The following GTF2IRD1 variants were observed in gnomAD, a reference collection of about 807,000 sequenced individuals.
GTF2IRD1 encodes the protein general transcription factor II-I repeat domain-containing protein 1.
In GTF2IRD1, 26 loss-of-function variants were observed where a neutral mutation model predicts 113.2. That is an observed-to-expected ratio of 0.23 (90% confidence interval 0.17 to 0.32). GTF2IRD1 has a LOEUF of 0.32. Among genes scored for constraint, GTF2IRD1 ranks in the 10% least tolerant of loss-of-function variants. The probability of loss-of-function intolerance (pLI) is 1.00; values close to 1 mark genes in which losing one functional copy is unlikely to be tolerated. For missense variants in GTF2IRD1, 864 were observed against 1,280.8 expected (o/e 0.67, Z 4.97); for synonymous variants, 484 against 529.1 (o/e 0.91, Z 1.17).
At chr7:74,574,522 G>A (rs1403928043) in intron 22 of GTF2IRD1, among the ~76,000 whole-genome samples, 1 of 148,176 alleles carries the variant, frequency 6.7e-6, no homozygotes, top group Non-Finnish European at 1.5e-5. Flanking sequence ...GCAGTAGCAC[G>A]ATCACGGCTC....
intron 17 of GTF2IRD1, among the ~76,000 whole-genome samples, chr7:74,552,716 T>C (rs1426162340): frequency 6.6e-6 from 1 of 152,232 alleles, no homozygotes; most frequent in Admixed American, 6.5e-5. Flanking sequence ...TGAGGTCAGG[T>C]GCCAATTCAA....
Position 74,508,182 on chromosome 7 carries a change from C to A in GTF2IRD1, c.102C>A (p.Leu34=). The A allele has an allele frequency of 6.2e-7, 1 of 1,612,918 alleles. No homozygotes were observed. Reference sequence around the variant, plus strand: ...GCAAAGACGAGATCATCACCAGCCTCGTGTCTGCCTTAGACTCCATGGTGA... The same window carrying A: ...GCAAAGACGAGATCATCACCAGCCTAGTGTCTGCCTTAGACTCCATGGTGA... ...FTRKDEIITS[L]VSALDSMCSA... is the part of the protein sequence containing the mutation. Residue 34 remains leucine, a synonymous_variant, in exon 2 of 27, where the codon CTC becomes CTA. Coordinates refer to ENST00000424337, the MANE Select transcript of GTF2IRD1 (RefSeq NM_005685.4).
intron 3 of GTF2IRD1, 30 bp downstream of exon 3, chr7:74,513,001 G>T: frequency 6.2e-7 from 1 of 1,603,110 alleles, no homozygotes; most frequent in Non-Finnish European, 8.5e-7. Context: ...GGAGGGCCGG[G>T]CCCGCCATTT....
At chr7:74,514,803 G>A (rs1554344120) in intron 3 of GTF2IRD1, among the ~76,000 whole-genome samples, 2 of 151,908 alleles carry the variant, frequency 1.3e-5, no homozygotes, top group Non-Finnish European at 2.9e-5. Flanking sequence ...GCATGGATGG[G>A]GCCGGGCATG....
intron 25 of GTF2IRD1, among the ~76,000 whole-genome samples, chr7:74,596,288 C>T (rs1317672883): frequency 1.3e-5 from 2 of 151,886 alleles, no homozygotes; most frequent in Admixed American, 6.6e-5. Flanking sequence ...ATGCTAAACC[C>T]TGTCTCTATT....
intron 22 of GTF2IRD1, among the ~76,000 whole-genome samples, chr7:74,561,641 G>A (rs1554359107): frequency 6.6e-6 from 1 of 152,064 alleles, no homozygotes; most frequent in African/African-American, 2.4e-5. Context: ...GGAGAGAGTG[G>A]AAGCTGCAGC....
chr7:74,558,339 T>C (rs1302304497), intron 20 of GTF2IRD1, among the ~76,000 whole-genome samples: 1 of 142,518 alleles, frequency 7.0e-6, no homozygotes, highest in African/African-American at 2.6e-5. Flanking sequence ...TGGCTTTTTC[T>C]TTCGTTTCTT....
chr7:74,519,518 GT>G lies in GTF2IRD1; in HGVS notation c.716del (p.Val239GlyfsTer48). ...TGGCCTGCATGGCCAGGCCCCCAAG[GT>G]GCCACCCCAGGACCTGCCCCCAACC... ...DCGLHGQAPK[V>X]PPQDLPPTAT... On this transcript the variant is annotated frameshift_variant, in exon 6 of 27. Transcript: ENST00000424337. LOFTEE classifies it high-confidence loss of function. 1 of 1,611,380 alleles carries G rather than the reference GT, an allele frequency of 6.2e-7. No homozygotes were observed. Among genetic ancestry groups the G allele is most frequent in the East Asian group, 2.2e-5 (1 of 44,788 alleles).
chr7:74,514,357 G>C (rs1354109320), intron 3 of GTF2IRD1, among the ~76,000 whole-genome samples: 2 of 152,118 alleles, frequency 1.3e-5, no homozygotes, highest in Non-Finnish European at 2.9e-5. Context: ...GGGCCAGGAT[G>C]GGGGACTGGG....
chr7:74,540,024 G>A, intron 14 of GTF2IRD1, 56 bp downstream of exon 14: 1 of 1,327,336 alleles, frequency 7.5e-7, no homozygotes, highest in East Asian at 2.3e-5. Context: ...AGGGAGCAAA[G>A]GGAAAGGGGT....
At position 74,535,126 on chromosome 7, in the gene GTF2IRD1, C is replaced by A. The variant is rs782636289; in HGVS notation, c.1288C>A (p.Arg430=). The change falls in exon 10 of 27, where the codon CGA becomes AGA. Residue 430 remains arginine (R), a synonymous_variant. Coordinates refer to ENST00000424337, the MANE Select transcript of GTF2IRD1 (RefSeq NM_005685.4). Reference sequence around the variant, plus strand: ...TTCTCTCCCCAGGATGTTTGATGAGCGAATTTTCACAGGTATGTGGGGACC... The same window carrying A: ...TTCTCTCCCCAGGATGTTTGATGAGAGAATTTTCACAGGTATGTGGGGACC... ...HFIIKRMFDE[R]IFTGNKFTKD... The A allele has an allele frequency of 2.5e-6, 4 of 1,612,906 alleles. No homozygotes were observed. The highest frequency in any genetic ancestry group is 3.4e-6 in the Non-Finnish European group (4 of 1,178,996).
intron 10 of GTF2IRD1, among the ~76,000 whole-genome samples, chr7:74,535,416 C>T (rs1259012318): frequency 6.6e-6 from 1 of 152,198 alleles, no homozygotes; most frequent in Non-Finnish European, 1.5e-5. Flanking sequence ...GAGCCTGTGC[C>T]AGGCTCTCTT....
intron 1 of GTF2IRD1, among the ~76,000 whole-genome samples, chr7:74,461,192 G>A (rs1434011647): frequency 2.6e-5 from 4 of 152,194 alleles, no homozygotes; most frequent in Admixed American, 2.6e-4. Context: ...AGACAGGGTG[G>A]GAGGGCCTGG....
Position 74,547,191 on chromosome 7 carries a change from T to A in GTF2IRD1, c.1821T>A (p.Pro607=), listed in dbSNP as rs1798993926. The change falls in exon 17 of 27, where the codon CCT becomes CCA. Residue 607 remains proline (P), a synonymous_variant. Coordinates refer to ENST00000424337, the MANE Select transcript of GTF2IRD1 (RefSeq NM_005685.4). ...AGGAGCTGTTTGTGGTGGGACTGCC[T>A]GAAGGCATCTCCCTCCGCAGGCCCA... ...HPEELFVVGL[P]EGISLRRPNC... is the part of the protein sequence containing the mutation. The A allele has an allele frequency of 6.2e-7, 1 of 1,613,568 alleles. No individual in the cohort carries two copies. Among genetic ancestry groups the A allele is most frequent in the Non-Finnish European group, 8.5e-7 (1 of 1,179,820 alleles).
chr7:74,484,648 G>C (rs992577450), intron 1 of GTF2IRD1, among the ~76,000 whole-genome samples: 2 of 151,592 alleles, frequency 1.3e-5, no homozygotes, highest in Admixed American at 6.6e-5. Flanking sequence ...TAGTAGAGAC[G>C]AGATTTCACC....
chr7:74,595,510 G>A (rs112187168), intron 25 of GTF2IRD1, among the ~76,000 whole-genome samples: 4 of 151,670 alleles, frequency 2.6e-5, no homozygotes, highest in African/African-American at 4.8e-5. Context: ...GCAACGGAGC[G>A]AGACCCTGTC....
intron 10 of GTF2IRD1, 38 bp from the exon 11 acceptor site, chr7:74,536,129 G>C: frequency 1.5e-6 from 2 of 1,306,666 alleles, no homozygotes; most frequent in Non-Finnish European, 2.2e-6. Flanking sequence ...GAGGAGGCCA[G>C]AGGGCCTTCA....
intron 1 of GTF2IRD1, among the ~76,000 whole-genome samples, chr7:74,462,574 C>T (rs1793443299): frequency 6.6e-6 from 1 of 152,180 alleles, no homozygotes; most frequent in South Asian, 2.1e-4. Flanking sequence ...AGCCACTCTC[C>T]TCTCTAGGGA....
At chr7:74,532,258 A>G (rs1332183267) in intron 9 of GTF2IRD1, among the ~76,000 whole-genome samples, 2 of 152,168 alleles carry the variant, frequency 1.3e-5, no homozygotes, top group South Asian at 2.1e-4. Flanking sequence ...AAAACTGTAA[A>G]TAATAAAACT....
Sources: gnomAD v4.1 joint callset for allele counts (sites outside exome capture counted in the v4.1 genomes callset) on GRCh38, gnomAD v4.1.1 for gene constraint, MANE v1.5 for transcripts, NCBI Gene and HGNC (gene_info 2026-07-23, HGNC 2026-07-21) for gene names.